The following ATOSA variants were observed in gnomAD, a reference collection of about 807,000 sequenced individuals.
ATOSA encodes atos homolog protein A.
At chr15:52,696,876 A>G in the ATOSA span, among the ~76,000 whole-genome samples, 1 of 151,552 alleles carries the variant, frequency 6.6e-6, no homozygotes, top group Non-Finnish European at 1.5e-5. Context: ...TTAACCTAAT[A>G]TAAATTATAT....
chr15:52,652,888 T>G, the ATOSA span, among the ~76,000 whole-genome samples: 1 of 152,126 alleles, frequency 6.6e-6, no homozygotes, highest in African/African-American at 2.4e-5. Flanking sequence ...TCCACAAACT[T>G]TAACAGCAAA....
chr15:52,610,168 T>C, the ATOSA span: 1 of 1,614,038 alleles, frequency 6.2e-7, no homozygotes, highest in Non-Finnish European at 8.5e-7. Flanking sequence ...GTTATGGTGC[T>C]GATGAGTTTT....
At chr15:52,671,383 C>T in the ATOSA span, among the ~76,000 whole-genome samples, 4 of 152,022 alleles carry the variant, frequency 2.6e-5, no homozygotes, top group Non-Finnish European at 5.9e-5. Context: ...ATATTGCTAC[C>T]CAGCTGCTCC....
At chr15:52,706,662 T>C in the ATOSA span, among the ~76,000 whole-genome samples, 1 of 152,078 alleles carries the variant, frequency 6.6e-6, no homozygotes, top group African/African-American at 2.4e-5. Flanking sequence ...ATAAGGACAA[T>C]AATGATTATA....
chr15:52,611,232 T>A, the ATOSA span: 1 of 1,613,616 alleles, frequency 6.2e-7, no homozygotes, highest in Non-Finnish European at 8.5e-7. Context: ...AAGCGTCTTC[T>A]CTTCAATAAA....
At chr15:52,607,994 C>A in the ATOSA span, among the ~76,000 whole-genome samples, 5 of 152,278 alleles carry the variant, frequency 3.3e-5, no homozygotes, top group Non-Finnish European at 7.4e-5. Flanking sequence ...GATTCCCCCA[C>A]CTCAGCCTCC....
the ATOSA span, among the ~76,000 whole-genome samples, chr15:52,708,069 G>A: frequency 3.3e-5 from 5 of 152,076 alleles, no homozygotes; most frequent in East Asian, 3.8e-4. Context: ...AAAGTTACCC[G>A]GGGAAAACTG....
At chr15:52,675,724 C>A in the ATOSA span, among the ~76,000 whole-genome samples, 2 of 151,958 alleles carry the variant, frequency 1.3e-5, no homozygotes, top group Admixed American at 1.3e-4. Context: ...CTGGCTTACA[C>A]GGTGAAACCC....
the ATOSA span, among the ~76,000 whole-genome samples, chr15:52,645,910 T>TC: frequency 5.9e-5 from 9 of 152,224 alleles, no homozygotes; most frequent in Non-Finnish European, 1.2e-4. Flanking sequence ...ACCTGTACTC[T>TC]CATAAGAATA....
chr15:52,629,187 G>A, the ATOSA span, among the ~76,000 whole-genome samples: 1 of 152,084 alleles, frequency 6.6e-6, no homozygotes, highest in Non-Finnish European at 1.5e-5. Context: ...TATCACGTTA[G>A]AGGTCATATA....
chr15:52,610,151 C>A, the ATOSA span: 1 of 1,613,990 alleles, frequency 6.2e-7, no homozygotes, highest in Non-Finnish European at 8.5e-7. Context: ...TGTTCTGCTT[C>A]ATTTGGGTTA....
the ATOSA span, among the ~76,000 whole-genome samples, chr15:52,654,544 A>G: frequency 5.9e-5 from 9 of 152,114 alleles, no homozygotes; most frequent in Non-Finnish European, 1.0e-4. Context: ...TCAGTTCTCA[A>G]TCCCCAATCA....
At chr15:52,693,663 A>T in the ATOSA span, among the ~76,000 whole-genome samples, 1 of 152,214 alleles carries the variant, frequency 6.6e-6, no homozygotes, top group Non-Finnish European at 1.5e-5. Flanking sequence ...AATAAATTGG[A>T]AGACAGATAT....
the ATOSA span, among the ~76,000 whole-genome samples, chr15:52,648,086 G>A: frequency 1.3e-5 from 2 of 152,032 alleles, no homozygotes; most frequent in African/African-American, 2.4e-5. Context: ...ACATATTCAC[G>A]TTTTTAACGT....
chr15:52,647,724 G>A, the ATOSA span, among the ~76,000 whole-genome samples: 1 of 152,188 alleles, frequency 6.6e-6, no homozygotes, highest in African/African-American at 2.4e-5. Context: ...ATCTGGGGGT[G>A]TCAGTACACA....
the ATOSA span, among the ~76,000 whole-genome samples, chr15:52,588,072 G>A: frequency 5.9e-5 from 9 of 152,256 alleles, no homozygotes; most frequent in South Asian, 1.7e-3. Context: ...GAGGATATCA[G>A]GAGTCCTCCA....
chr15:52,583,859 G>C, the ATOSA span, among the ~76,000 whole-genome samples: 1 of 152,140 alleles, frequency 6.6e-6, no homozygotes, highest in Non-Finnish European at 1.5e-5. Flanking sequence ...AGACTGAGAT[G>C]AAAGAACTAA....
At chr15:52,698,759 A>G in the ATOSA span, among the ~76,000 whole-genome samples, 1 of 152,366 alleles carries the variant, frequency 6.6e-6, no homozygotes, top group Non-Finnish European at 1.5e-5. Flanking sequence ...GGTACAGAAA[A>G]TGTTGTATAA....
the ATOSA span, among the ~76,000 whole-genome samples, chr15:52,646,177 T>C: frequency 2.0e-5 from 3 of 152,208 alleles, no homozygotes; most frequent in South Asian, 4.1e-4. Flanking sequence ...TATTTCCCAC[T>C]GAATGCGTCT....
Sources: gnomAD v4.1 joint callset for allele counts (sites outside exome capture counted in the v4.1 genomes callset) on GRCh38, gnomAD v4.1.1 for gene constraint, MANE v1.5 for transcripts, NCBI Gene and HGNC (gene_info 2026-07-23, HGNC 2026-07-21) for gene names.